Variants in PTPRD observed in about 807,000 individuals in gnomAD.
PTPRD encodes the protein protein tyrosine phosphatase receptor type D.
Under a neutral mutation model 214.5 loss-of-function variants are expected in PTPRD, and 34 were observed. The observed-to-expected ratio is 0.16, with a 90% CI of 0.12 to 0.21. PTPRD has a LOEUF of 0.21. PTPRD is among the 10% of genes least tolerant of loss of function. The pLI is 1.00. For missense variants in PTPRD, 2,545 were observed against 2,398.7 expected (o/e 1.06, Z -1.27); for synonymous variants, 1,128 against 845.7 (o/e 1.33, Z -5.79).
chr9:9,686,446 GAATA>G (rs1158207289), intron 7 of PTPRD, among the ~76,000 whole-genome samples: 1 of 150,966 alleles, frequency 6.6e-6, no homozygotes, highest in Non-Finnish European at 1.5e-5. Context: ...TGATTATCTA[GAATA>G]GATAATACAT....
chr9:8,436,460 A>G (rs573884566), intron 35 of PTPRD, 132 bp downstream of exon 35: 69 of 642,278 alleles, frequency 1.1e-4, no homozygotes, highest in African/African-American at 9.7e-4. Flanking sequence ...ACGGTTCATT[A>G]TACATTTTTA....
intron 11 of PTPRD, among the ~76,000 whole-genome samples, chr9:8,971,357 C>T (rs1589107877): frequency 6.6e-6 from 1 of 151,796 alleles, no homozygotes; most frequent in East Asian, 1.9e-4. Context: ...CAAAACCTTC[C>T]TGCCTGTTCA....
intron 5 of PTPRD, among the ~76,000 whole-genome samples, chr9:9,801,059 G>A (rs1008003834): frequency 6.6e-6 from 1 of 152,066 alleles, no homozygotes; most frequent in African/African-American, 2.4e-5. Context: ...TTATTTATTT[G>A]CATTTGAGAA....
intron 11 of PTPRD, among the ~76,000 whole-genome samples, chr9:8,850,764 T>C (rs10115287): frequency 0.083 from 12,682 of 152,322 alleles, 572 homozygotes; most frequent in Middle Eastern, 0.17. Context: ...TCTCTAATAA[T>C]ATTTCAGTTA....
At position 8,518,276 on chromosome 9, in the gene PTPRD, C is replaced by T. The variant is rs2138563845; in HGVS notation, c.1115G>A (p.Gly372Glu). 1 of 1,614,122 alleles carries T rather than the reference C, an allele frequency of 6.2e-7. No homozygotes were observed. The highest frequency in any genetic ancestry group is 1.1e-5 in the South Asian group (1 of 91,082). Residue 372 changes from glycine to glutamate, a missense_variant, in exon 21 of 46, where the codon GGG becomes GAG. Gly to Glu is a moderately conservative substitution (Grantham distance 98). Transcript: ENST00000381196. ...GACACTGTAGCGTGTGGTCGCCACCCCATCAATTTCTTTGTAAAGTTCCTC... is the reference window on the plus strand; with the variant it reads ...GACACTGTAGCGTGTGGTCGCCACCTCATCAATTTCTTTGTAAAGTTCCTC... The part of the protein sequence containing the change: ...NSEELYKEID[G>E]VATTRYSVAG...
chr9:8,996,147 C>T lies in PTPRD; in HGVS notation c.-104+22550G>A, dbSNP rs566576126. Among the ~76,000 whole-genome samples, 116 of 152,198 alleles carry T rather than the reference C, an allele frequency of 7.6e-4. 3 individuals carry two copies. In the South Asian group the frequency reaches 0.023, roughly 31 times the overall value. ...CAGGAAAGAAGAAAACTTAGGTTCT[C>T]ACAAAAACCTATATTCAAATGACTA... On this transcript the variant is annotated intron_variant, in intron 11 of 45. Transcript: ENST00000381196.
At chr9:8,488,135 A>T (rs2097071942) in intron 27 of PTPRD, among the ~76,000 whole-genome samples, 1 of 152,194 alleles carries the variant, frequency 6.6e-6, no homozygotes, top group South Asian at 2.1e-4. Context: ...ATGAAGGTAA[A>T]AAAATCACTA....
At chr9:9,557,830 A>T (rs919110183) in intron 8 of PTPRD, among the ~76,000 whole-genome samples, 4 of 152,154 alleles carry the variant, frequency 2.6e-5, no homozygotes, top group African/African-American at 9.6e-5. Context: ...GTCTGAGGGG[A>T]GTGGGTGGAT....
intron 11 of PTPRD, among the ~76,000 whole-genome samples, chr9:8,799,287 T>C (rs1370678730): frequency 1.3e-5 from 2 of 152,220 alleles, no homozygotes; most frequent in Admixed American, 6.5e-5. Context: ...TTAGCACAGA[T>C]AATGCTAGAA....
intron 10 of PTPRD, among the ~76,000 whole-genome samples, chr9:9,182,414 A>C (rs2099928716): frequency 6.6e-6 from 1 of 152,078 alleles, no homozygotes; most frequent in Non-Finnish European, 1.5e-5. Flanking sequence ...TTTAAACCTC[A>C]CAGACTTTAT....
chr9:10,552,122 G>C (rs1046602070), intron 2 of PTPRD, among the ~76,000 whole-genome samples: 2 of 152,058 alleles, frequency 1.3e-5, no homozygotes, highest in Non-Finnish European at 2.9e-5. Context: ...GTACAATTTT[G>C]CAGTCATTTC....
chr9:9,730,747 G>C (rs1428115022), intron 7 of PTPRD, among the ~76,000 whole-genome samples: 2 of 152,048 alleles, frequency 1.3e-5, no homozygotes, highest in Non-Finnish European at 2.9e-5. Context: ...TGAGACTGTA[G>C]ATGAACTAAT....
intron 35 of PTPRD, among the ~76,000 whole-genome samples, chr9:8,409,167 A>C (rs1044316959): frequency 5.3e-5 from 8 of 152,214 alleles, no homozygotes; most frequent in African/African-American, 1.7e-4. Context: ...CTTTGTACAT[A>C]CTAACTCATT....
intron 7 of PTPRD, among the ~76,000 whole-genome samples, chr9:9,644,674 G>A (rs897616519): frequency 5.3e-5 from 8 of 151,740 alleles, no homozygotes; most frequent in Non-Finnish European, 1.2e-4. Context: ...CCCTAAATGA[G>A]AACAGTTATC....
chr9:9,676,551 A>G (rs1187085408), intron 7 of PTPRD, among the ~76,000 whole-genome samples: 1 of 151,980 alleles, frequency 6.6e-6, no homozygotes, highest in Non-Finnish European at 1.5e-5. Flanking sequence ...CTTGGTTCCA[A>G]GTCTTTGTTA....
intron 29 of PTPRD, among the ~76,000 whole-genome samples, chr9:8,484,974 A>G (rs191683448): frequency 5.3e-5 from 8 of 152,334 alleles, no homozygotes; most frequent in African/African-American, 1.9e-4. Flanking sequence ...TTAGATGTAA[A>G]AAGTTCAAGT....
At position 9,595,226 on chromosome 9, in the gene PTPRD, C is replaced by T. The variant is rs1377322645; in HGVS notation, c.-286-20445G>A. ...AGAACTACCATTTGATCCAGCAATC[C>T]CACTACTGGGGTATCTACCCAGAGG... On this transcript the variant is annotated intron_variant, in intron 7 of 45. Transcript: ENST00000381196. 2.0e-5 allele frequency among the ~76,000 whole-genome samples: 3 copies of T among 148,800 alleles called. No individual in the cohort carries two copies. In the East Asian group the frequency reaches 5.9e-4, roughly 29 times the overall value.
At chr9:9,925,536 C>A (rs368682344) in intron 5 of PTPRD, among the ~76,000 whole-genome samples, 7 of 151,704 alleles carry the variant, frequency 4.6e-5, no homozygotes, top group Non-Finnish European at 8.8e-5. Flanking sequence ...TTTTTTAAAG[C>A]ATGTTTTTAT....
At chr9:9,863,650 A>C (rs1419696316) in intron 5 of PTPRD, among the ~76,000 whole-genome samples, 1 of 152,162 alleles carries the variant, frequency 6.6e-6, no homozygotes, top group Non-Finnish European at 1.5e-5. Context: ...CCAGAGATTT[A>C]TTAAGAATGG....
Sources: gnomAD v4.1 joint callset for allele counts (sites outside exome capture counted in the v4.1 genomes callset) on GRCh38, gnomAD v4.1.1 for gene constraint, MANE v1.5 for transcripts, NCBI Gene and HGNC (gene_info 2026-07-23, HGNC 2026-07-21) for gene names.